The following NKTR variants were observed in gnomAD, a reference collection of about 807,000 sequenced individuals.
NKTR encodes the protein NK-tumor recognition protein.
NKTR carries 67 observed loss-of-function variants against 156.3 expected under a neutral mutation model. The observed-to-expected ratio is 0.43, with a 90% CI of 0.35 to 0.53. The LOEUF (loss-of-function observed/expected upper bound fraction) is 0.53, where lower values mean the gene tolerates loss of function less well. Ranked by LOEUF, NKTR falls within the 20% of genes least tolerant of loss-of-function variation. NKTR has a pLI of 0.01. For missense variants in NKTR, 1,604 were observed against 1,730.9 expected (o/e 0.93, Z 1.30); for synonymous variants, 640 against 596.6 (o/e 1.07, Z -1.06).
intron 13 of NKTR, among the ~76,000 whole-genome samples, chr3:42,641,693 C>T (rs1354083994): frequency 1.3e-5 from 2 of 152,120 alleles, no homozygotes; most frequent in African/African-American, 2.4e-5. Context: ...GCCTAACCAA[C>T]ATGGTGAAAC....
chr3:42,646,140 A>G lies in NKTR; in HGVS notation c.*165A>G, dbSNP rs760636484. The G allele has an allele frequency of 2.1e-6, 1 of 474,332 alleles. No individual in the cohort carries two copies. Among genetic ancestry groups the G allele is most frequent in the Non-Finnish European group, 3.9e-6 (1 of 258,176 alleles). 29.4% of individuals were successfully genotyped at this position (474,332 alleles called of 1,614,324 possible). A position where few individuals can be genotyped will look rare whatever the true frequency, so the allele number is the denominator to read the frequency against. ...TTACATGTGGGGAGAAGAATTTAAA[A>G]TACAGATATGTCTCCTAAAAATATT... is the stretch of plus-strand genomic sequence containing the variant. On this transcript the variant is annotated 3_prime_UTR_variant, in exon 17 of 17. Transcript: ENST00000232978.
At chr3:42,615,711 GTC>G (rs1707293810) in intron 2 of NKTR, among the ~76,000 whole-genome samples, 4 of 152,172 alleles carry the variant, frequency 2.6e-5, no homozygotes. Context: ...AAAGATCTAA[GTC>G]TGTTCTGGTA....
rs982556348 is a variant in NKTR, at chr3:42,627,990, C to T, written c.375-2556C>T. 6.1e-6 allele frequency: 6 copies of T among 985,232 alleles called. No individual in the cohort carries two copies. In the South Asian group the frequency reaches 2.8e-4, roughly 46 times the overall value. 61.0% of individuals were successfully genotyped at this position (985,232 alleles called of 1,614,324 possible). A position where few individuals can be genotyped will look rare whatever the true frequency, so the allele number is the denominator to read the frequency against. ...GGATTGTGGATATTATTTCTCTCCG[C>T]CCTTTTGTAACCCTCTTTGGCTAAT... On this transcript the variant is annotated intron_variant, in intron 6 of 16. Coordinates refer to ENST00000232978, the MANE Select transcript of NKTR (RefSeq NM_005385.4).
intron 3 of NKTR, among the ~76,000 whole-genome samples, chr3:42,618,052 T>C (rs1375345821): frequency 6.6e-6 from 1 of 152,020 alleles, no homozygotes; most frequent in Non-Finnish European, 1.5e-5. Context: ...AATGTTACTT[T>C]AAAATTAGAA....
intron 6 of NKTR, chr3:42,627,023 G>A (rs912939728): frequency 8.9e-5 from 25 of 280,384 alleles, no homozygotes; most frequent in African/African-American, 3.4e-4. Flanking sequence ...TCATCTCTAC[G>A]TAAATATCCC....
At position 42,620,134 on chromosome 3, in the gene NKTR, G is replaced by T. The variant is rs1707773079; in HGVS notation, c.286+426G>T. 2.9e-5 allele frequency: 42 copies of T among 1,454,376 alleles called. No homozygotes were observed. The South Asian group carries it at 5.5e-4, about 19-fold the overall frequency. The allele number at this position is 1,454,376 out of a possible 1,614,324, so 90.1% of individuals were successfully genotyped here. ...TATGGACAGTCTGGGTCAGGTTGTG[G>T]CTGGATTTCTATATTGCTTGAAGAC... is the stretch of plus-strand genomic sequence containing the variant. On this transcript the variant is annotated intron_variant, in intron 5 of 16. Coordinates refer to ENST00000232978, the MANE Select transcript of NKTR (RefSeq NM_005385.4).
chr3:42,628,121 T>G (rs982627064), intron 6 of NKTR: 23 of 984,898 alleles, frequency 2.3e-5, no homozygotes, highest in Non-Finnish European at 2.8e-5. Context: ...TTCTTTTTGT[T>G]AAATACTTTT....
chr3:42,613,012 GTAT>G (rs1008654748), intron 2 of NKTR, among the ~76,000 whole-genome samples: 2 of 151,890 alleles, frequency 1.3e-5, no homozygotes, highest in African/African-American at 4.8e-5. Flanking sequence ...TTTGTTTTGA[GTAT>G]TATTATTATT....
At chr3:42,631,002 T>C in intron 7 of NKTR, 169 bp from the exon 8 acceptor site, 1 of 1,416,594 alleles carries the variant, frequency 7.1e-7, no homozygotes, top group African/African-American at 1.4e-5. Flanking sequence ...TCGTTTCCTT[T>C]TATGAAGCAG....
intron 6 of NKTR, chr3:42,628,174 T>TATATTTCTG: frequency 1.0e-6 from 1 of 985,312 alleles, no homozygotes; most frequent in Non-Finnish European, 1.2e-6. Context: ...AGTGCAGACT[T>TATATTTCTG]ATATTTCTGT....
At position 42,639,597 on chromosome 3, in the gene NKTR, G is replaced by A. The variant is rs1388763452; in HGVS notation, c.3893G>A (p.Ser1298Asn). ...NRRPRNQESS[S>N]DEQTPSRDDD... Reference sequence around the variant, plus strand: ...AGACCAAGAAATCAGGAGAGTTCAAGTGATGAGCAGACGCCTAGTCGGGAT... The same window carrying A: ...AGACCAAGAAATCAGGAGAGTTCAAATGATGAGCAGACGCCTAGTCGGGAT... The change falls in exon 13 of 17, where the codon AGT becomes AAT. Residue 1298 changes from serine to asparagine, a missense_variant. Ser to Asn is a conservative substitution (Grantham distance 46). This residue lies in a region of NKTR where 193 missense variants were observed against 220.2 expected (regional missense o/e 0.88). Transcript: ENST00000232978. 3 of 1,614,102 alleles carry A rather than the reference G, an allele frequency of 1.9e-6. No individual in the cohort carries two copies. The highest frequency in any genetic ancestry group is 1.7e-5 in the Admixed American group (1 of 60,008).
At position 42,630,534 on chromosome 3, in the gene NKTR, TTTA is replaced by T; in HGVS notation, c.375-8_375-6del. The stretch of plus-strand genomic sequence containing the variant: ...GTTTGACATCATCTTTGTGTTGATG[TTTA>T]TTACATAGTACCACAAAGCCTGCTC... On this transcript the variant is annotated splice_polypyrimidine_tract_variant and intron_variant, in intron 6 of 16. Coordinates refer to ENST00000232978, the MANE Select transcript of NKTR (RefSeq NM_005385.4). 6.2e-7 allele frequency: 1 copy of T among 1,613,842 alleles called. No homozygotes were observed. The highest frequency in any genetic ancestry group is 8.5e-7 in the Non-Finnish European group (1 of 1,179,846).
rs536150678 is a variant in NKTR, at chr3:42,637,716, C to T, written c.2012C>T (p.Ser671Leu). The T allele has an allele frequency of 1.2e-5, 20 of 1,613,948 alleles. No homozygotes were observed. Among genetic ancestry groups the T allele is most frequent in the East Asian group, 4.5e-5 (2 of 44,876 alleles). ...TCCTACCATAAAAGAGAAAAAAATTCGGAAAGTGATCAGAGCACTTATTCA... is the reference window on the plus strand; with the variant it reads ...TCCTACCATAAAAGAGAAAAAAATTTGGAAAGTGATCAGAGCACTTATTCA... ...SSSYHKREKNSESDQSTYSKY... is the reference protein window; with the variant it reads ...SSSYHKREKNLESDQSTYSKY... The change falls in exon 13 of 17, where the codon TCG becomes TTG. Residue 671 changes from serine (S) to leucine (L), a missense_variant. Coordinates refer to ENST00000232978, the MANE Select transcript of NKTR (RefSeq NM_005385.4).
chr3:42,607,476 T>G (rs1024127864), intron 2 of NKTR, among the ~76,000 whole-genome samples: 1 of 151,980 alleles, frequency 6.6e-6, no homozygotes, highest in African/African-American at 2.4e-5. Context: ...GGTACTTTAA[T>G]GGGTCCGACT....
Position 42,603,340 on chromosome 3 carries a change from A to G in NKTR, c.58+2276A>G, listed in dbSNP as rs147748762. 7.3e-3 allele frequency among the ~76,000 whole-genome samples: 1,100 copies of G among 149,892 alleles called. 14 individuals are homozygous for G. Among genetic ancestry groups the G allele is most frequent in the African/African-American group, 0.026 (1,043 of 40,456 alleles). On this transcript the variant is annotated intron_variant, in intron 2 of 16. Coordinates refer to ENST00000232978, the MANE Select transcript of NKTR (RefSeq NM_005385.4). ...GCACCACTGCACTCCAGCTTGGTCA[A>G]CAGAGCAAGATCTTGTTTCTAAAAA...
rs71072726 is a variant in NKTR at position 42,604,659 on chromosome 3, C to CTTTTTTTTTTTTTTT, written c.58+3620_58+3634dup. 3.8e-4 allele frequency among the ~76,000 whole-genome samples: 17 copies of CTTTTTTTTTTTTTTT among 45,294 alleles called. 5 individuals are homozygous for CTTTTTTTTTTTTTTT. The highest frequency in any genetic ancestry group is 9.2e-4 in the Admixed American group (3 of 3,260). 29.7% of individuals were successfully genotyped at this position (45,294 alleles called of 152,430 possible). On this transcript the variant is annotated intron_variant, in intron 2 of 16. Transcript: ENST00000232978. Reference sequence around the variant, plus strand: ...AATTGTGGATTTATCTATTTCTCTCCTTTTTTTTTTTTTTTTTTTTTTTTT... The same window carrying CTTTTTTTTTTTTTTT: ...AATTGTGGATTTATCTATTTCTCTCCTTTTTTTTTTTTTTTTTTTTTTTTTTTTTTTTTTTTTTTT...
chr3:42,644,283 A>G (rs1710170353), intron 16 of NKTR, among the ~76,000 whole-genome samples: 1 of 152,188 alleles, frequency 6.6e-6, no homozygotes, highest in Admixed American at 6.5e-5. Flanking sequence ...TTGGAAAGAA[A>G]GAAGGCCACC....
chr3:42,621,005 T>C (rs1483689991), intron 5 of NKTR: 2 of 961,748 alleles, frequency 2.1e-6, no homozygotes. Flanking sequence ...ATTTACCGTA[T>C]AAAAATTAAA....
Position 42,632,693 on chromosome 3 carries a change from G to T in NKTR, c.643G>T (p.Glu215Ter). The part of the protein sequence containing the change: ...SSSSESSSES[E>*]LEHERSRRRK... The stretch of plus-strand genomic sequence containing the variant: ...TTCTTCAGAATCATCTTCAGAAAGT[G>T]AACTTGAACATGAGAGAAGCAGAAG... The change falls in exon 9 of 17, where the codon GAA (glutamate) becomes TAA (stop). Residue 215 changes from glutamate to a stop codon, truncating the protein, a stop_gained. Coordinates refer to ENST00000232978, the MANE Select transcript of NKTR (RefSeq NM_005385.4). LOFTEE classifies it high-confidence loss of function. 6.2e-7 allele frequency: 1 copy of T among 1,613,810 alleles called. No homozygotes were observed. Among genetic ancestry groups the T allele is most frequent in the South Asian group, 1.1e-5 (1 of 91,020 alleles).
Sources: allele counts gnomAD v4.1 joint callset (sites outside exome capture counted in the v4.1 genomes callset), GRCh38; gene constraint gnomAD v4.1.1; regional missense constraint gnomAD v4.1.1; transcripts MANE v1.5; gene names NCBI Gene and HGNC (gene_info 2026-07-23, HGNC 2026-07-21).